Variants in CAT observed in about 807,000 individuals in gnomAD.
CAT encodes the protein catalase, also known as epididymis secretory sperm binding protein.
A neutral mutation model predicts 59.0 loss-of-function variants in CAT; 43 were observed. That is an observed-to-expected ratio of 0.73 (90% CI 0.57 to 0.94). The LOEUF (loss-of-function observed/expected upper bound fraction) is 0.94, where lower values mean the gene tolerates loss of function less well. Among genes scored for constraint, CAT ranks in the 40% least tolerant of loss-of-function variants. The pLI, the probability that CAT is intolerant of heterozygous loss-of-function variation, is 0.00. For missense variants in CAT, 664 were observed against 682.9 expected (o/e 0.97, Z 0.31); for synonymous variants, 218 against 230.9 (o/e 0.94, Z 0.51).
chr11:34,452,931 A>G lies in CAT; in HGVS notation c.481-159A>G, dbSNP rs573941509. 1.3e-4 allele frequency among the ~76,000 whole-genome samples: 20 copies of G among 152,234 alleles called. No homozygotes were observed. In the South Asian group the frequency reaches 1.7e-3, roughly 13 times the overall value. On this transcript the variant is annotated intron_variant, in intron 4 of 12. Transcript: ENST00000241052. ...AGGGTATCTTAGATGCTAGTTGTCT[A>G]TGCTGAGTAAATTTCATATTATGGT...
At position 34,471,706 on chromosome 11, in the gene CAT, G is replaced by T; in HGVS notation, c.*273G>T. On this transcript the variant is annotated 3_prime_UTR_variant, in exon 13 of 13. Coordinates refer to ENST00000241052, the MANE Select transcript of CAT (RefSeq NM_001752.4). ...AAAATGATTAGAAGGCAAGTTTCTAGCTAGAAATATGATTTTATTTGACAA... is the reference window on the plus strand; with the variant it reads ...AAAATGATTAGAAGGCAAGTTTCTATCTAGAAATATGATTTTATTTGACAA... The T allele has an allele frequency of 2.2e-6, 1 of 461,236 alleles. No homozygotes were observed. The highest frequency in any genetic ancestry group is 3.9e-6 in the Non-Finnish European group (1 of 253,554). The allele number at this position is 461,236 out of a possible 1,614,324, so 28.6% of individuals were successfully genotyped here.
chr11:34,441,252 A>G (rs1856386331), intron 1 of CAT, among the ~76,000 whole-genome samples: 1 of 152,242 alleles, frequency 6.6e-6, no homozygotes, highest in South Asian at 2.1e-4. Context: ...AAATATTCAG[A>G]AAAGTTGAAA....
At chr11:34,442,482 T>A (rs1011490939) in intron 1 of CAT, among the ~76,000 whole-genome samples, 2 of 152,080 alleles carry the variant, frequency 1.3e-5, no homozygotes, top group African/African-American at 4.8e-5. Flanking sequence ...ATGCCTGTAA[T>A]CCCAGCTGCT....
Position 34,454,043 on chromosome 11 carries a change from A to G in CAT, c.711+117A>G. On this transcript the variant is annotated intron_variant, in intron 6 of 12. Transcript: ENST00000241052. ...CCACTTTTCCCTCACCTCCATCCCC[A>G]AAGTTGGGAAGTATTGATCTCATTG... 5 of 1,101,288 alleles carry G rather than the reference A, an allele frequency of 4.5e-6. No individual in the cohort carries two copies. The South Asian group carries it at 6.8e-5, about 15-fold the overall frequency. 68.2% of individuals were successfully genotyped at this position (1,101,288 alleles called of 1,614,324 possible).
chr11:34,458,215 A>G (rs925734123), intron 8 of CAT, among the ~76,000 whole-genome samples: 4 of 152,244 alleles, frequency 2.6e-5, no homozygotes, highest in East Asian at 1.9e-4. Flanking sequence ...GGACATGAGT[A>G]TAGGCACAAA....
At chr11:34,441,876 A>C (rs1023925260) in intron 1 of CAT, among the ~76,000 whole-genome samples, 2 of 152,218 alleles carry the variant, frequency 1.3e-5, no homozygotes, top group Non-Finnish European at 2.9e-5. Flanking sequence ...CTCTTAGGAA[A>C]TACCTAGGAG....
chr11:34,454,621 C>G (rs148700815), intron 6 of CAT, among the ~76,000 whole-genome samples: 20 of 152,290 alleles, frequency 1.3e-4, no homozygotes, highest in African/African-American at 4.8e-4. Flanking sequence ...TTTATCTGAA[C>G]AATTTAATGT....
intron 4 of CAT, among the ~76,000 whole-genome samples, chr11:34,452,498 C>A (rs1000989426): frequency 6.6e-6 from 1 of 152,002 alleles, no homozygotes; most frequent in African/African-American, 2.4e-5. Flanking sequence ...TGGAAACAAG[C>A]AGAGGGTGTC....
At position 34,456,010 on chromosome 11, in the gene CAT, G is replaced by T; in HGVS notation, c.712-1G>T. The T allele has an allele frequency of 6.2e-7, 1 of 1,613,514 alleles. No individual in the cohort carries two copies. The highest frequency in any genetic ancestry group is 8.5e-7 in the Non-Finnish European group (1 of 1,179,748). ...TGGAGCTTCTTTCTTTCATTTTGTAGACTGACCAGGGCATCAAAAACCTTT... is the reference window on the plus strand; with the variant it reads ...TGGAGCTTCTTTCTTTCATTTTGTATACTGACCAGGGCATCAAAAACCTTT... On this transcript the variant is annotated splice_acceptor_variant, in intron 6 of 12. Coordinates refer to ENST00000241052, the MANE Select transcript of CAT (RefSeq NM_001752.4). LOFTEE classifies it high-confidence loss of function.
intron 2 of CAT, among the ~76,000 whole-genome samples, chr11:34,450,008 C>G (rs969031939): frequency 6.6e-6 from 1 of 152,198 alleles, no homozygotes; most frequent in African/African-American, 2.4e-5. Flanking sequence ...GTTCACCTAA[C>G]ACGCACATCT....
At chr11:34,466,621 CA>C (rs773459958) in intron 10 of CAT, among the ~76,000 whole-genome samples, 34 of 145,844 alleles carry the variant, frequency 2.3e-4, no homozygotes, top group East Asian at 2.0e-3. Context: ...ACTAAAAATA[CA>C]AAAAAAAAAT....
intron 9 of CAT, among the ~76,000 whole-genome samples, chr11:34,463,428 T>C (rs1856675119): frequency 6.6e-6 from 1 of 152,158 alleles, no homozygotes; most frequent in South Asian, 2.1e-4. Context: ...GTCATCATTG[T>C]CAGTAAAGGA....
At chr11:34,464,492 G>C (rs906342495) in intron 10 of CAT, among the ~76,000 whole-genome samples, 1 of 152,182 alleles carries the variant, frequency 6.6e-6, no homozygotes, top group Admixed American at 6.5e-5. Context: ...TGGGGAGGGG[G>C]CATTGGGGAA....
At chr11:34,442,893 C>G (rs963312904) in intron 1 of CAT, among the ~76,000 whole-genome samples, 2 of 152,274 alleles carry the variant, frequency 1.3e-5, no homozygotes, top group East Asian at 1.9e-4. Context: ...TAGTCTACCC[C>G]CTGTCCAGGA....
chr11:34,447,245 C>T (rs1160835743), intron 1 of CAT, among the ~76,000 whole-genome samples: 1 of 152,090 alleles, frequency 6.6e-6, no homozygotes, highest in Non-Finnish European at 1.5e-5. Flanking sequence ...TCACCCAGGG[C>T]ACTTCTATCA....
At chr11:34,443,101 G>C (rs1487178733) in intron 1 of CAT, among the ~76,000 whole-genome samples, 1 of 152,032 alleles carries the variant, frequency 6.6e-6, no homozygotes, top group Non-Finnish European at 1.5e-5. Flanking sequence ...ATCTCCCCTT[G>C]CTTGGTAAAT....
chr11:34,440,423 C>T (rs966471794), intron 1 of CAT, among the ~76,000 whole-genome samples: 4 of 152,090 alleles, frequency 2.6e-5, no homozygotes. Flanking sequence ...CTTCTTGGAC[C>T]CAAGACTCTT....
At chr11:34,448,201 C>A (rs1388409984) in intron 1 of CAT, among the ~76,000 whole-genome samples, 1 of 152,126 alleles carries the variant, frequency 6.6e-6, no homozygotes. Flanking sequence ...CTACAGACTC[C>A]ACTCTAGGTG....
intron 1 of CAT, among the ~76,000 whole-genome samples, chr11:34,442,684 C>A (rs1448737006): frequency 2.6e-5 from 4 of 152,202 alleles, no homozygotes; most frequent in Non-Finnish European, 5.9e-5. Flanking sequence ...GGTGGGTGCT[C>A]TGCTTCCCAC....
Sources: gnomAD v4.1 joint callset for allele counts (sites outside exome capture counted in the v4.1 genomes callset) on GRCh38, gnomAD v4.1.1 for gene constraint, MANE v1.5 for transcripts, NCBI Gene and HGNC (gene_info 2026-07-23, HGNC 2026-07-21) for gene names.